Variants in DHX37 observed in about 807,000 individuals in gnomAD.
DHX37 encodes probable ATP-dependent RNA helicase DHX37.
A neutral mutation model predicts 134.3 loss-of-function variants in DHX37; 52 were observed. That is an observed-to-expected ratio of 0.39 (90% CI 0.31 to 0.49). The LOEUF (loss-of-function observed/expected upper bound fraction) is 0.49, where lower values mean the gene tolerates loss of function less well. Ranked by LOEUF, DHX37 falls within the 20% of genes least tolerant of loss-of-function variation. DHX37 has a pLI of 0.93. For synonymous variants in DHX37, 634 were observed against 670.7 expected (o/e 0.95, Z 0.85); for missense variants, 1,344 against 1,580.8 (o/e 0.85, Z 2.54).
chr12:124,985,467 T>C (rs978845999), intron 2 of DHX37, among the ~76,000 whole-genome samples: 1 of 151,550 alleles, frequency 6.6e-6, no homozygotes, highest in African/African-American at 2.4e-5. Context: ...CTGGGCATGG[T>C]GGTTCACGCC....
At chr12:124,981,610 T>C (rs1353566449) in intron 3 of DHX37, among the ~76,000 whole-genome samples, 1 of 152,012 alleles carries the variant, frequency 6.6e-6, no homozygotes, top group Non-Finnish European at 1.5e-5. Flanking sequence ...AATTTTTGTA[T>C]TTTTAGTGGA....
At chr12:124,970,803 G>A (rs1028206008) in intron 8 of DHX37, among the ~76,000 whole-genome samples, 1 of 152,222 alleles carries the variant, frequency 6.6e-6, no homozygotes, top group African/African-American at 2.4e-5. Context: ...CCGGGAGGGT[G>A]AGACAGGCCT....
chr12:124,950,364 C>A, intron 23 of DHX37, 49 bp downstream of exon 23: 1 of 1,592,920 alleles, frequency 6.3e-7, no homozygotes. Context: ...GTCCGAGAAG[C>A]CCACGGCTGC....
chr12:124,979,974 G>A (rs777053470), intron 4 of DHX37, among the ~76,000 whole-genome samples: 3 of 152,218 alleles, frequency 2.0e-5, no homozygotes, highest in Admixed American at 6.5e-5. Flanking sequence ...GAGTTCCTAC[G>A]TGGGCTGTGG....
At chr12:124,988,170 C>A (rs4765197) in intron 1 of DHX37, among the ~76,000 whole-genome samples, 1,732 of 151,850 alleles carry the variant, frequency 0.011, 98 homozygotes, top group Admixed American at 0.088. Context: ...GCTCTAAATG[C>A]TCCCATGGCT....
intron 13 of DHX37, 39 bp downstream of exon 13, chr12:124,965,629 G>C (rs1412618222): frequency 3.2e-6 from 5 of 1,566,576 alleles, no homozygotes; most frequent in Non-Finnish European, 3.5e-6. Flanking sequence ...TCAGGGCAGA[G>C]ATAATGAACA....
chr12:124,980,407 C>T lies in DHX37; in HGVS notation c.738+83G>A. The T allele has an allele frequency of 6.9e-7, 1 of 1,452,400 alleles. No individual in the cohort carries two copies. Among genetic ancestry groups the T allele is most frequent in the Non-Finnish European group, 9.3e-7 (1 of 1,075,796 alleles). 90.0% of individuals were successfully genotyped at this position (1,452,400 alleles called of 1,614,324 possible). A position where few individuals can be genotyped will look rare whatever the true frequency, so the allele number is the denominator to read the frequency against. On this transcript the variant is annotated intron_variant, in intron 4 of 26. Transcript: ENST00000308736. The surrounding 1 kb of genome is among the most constrained non-coding windows in gnomAD (Gnocchi z 5.3). ...CATGGAGGCACAGAGAAGGGATGCCCTTGCCCCACTTCACCAGGACGCCCT... is the reference window on the plus strand; with the variant it reads ...CATGGAGGCACAGAGAAGGGATGCCTTTGCCCCACTTCACCAGGACGCCCT...
In DHX37 at chr12:124,988,974, C is replaced by T; in HGVS notation, c.49G>A (p.Gly17Ser). The T allele has an allele frequency of 1.5e-6, 2 of 1,356,144 alleles. No individual in the cohort carries two copies. The highest frequency in any genetic ancestry group is 4.4e-5 in the South Asian group (2 of 45,142). The allele number at this position is 1,356,144 out of a possible 1,614,324, so 84.0% of individuals were successfully genotyped here. Residue 17 changes from glycine to serine, a missense_variant, in exon 1 of 27, where the codon GGC becomes AGC. Physicochemically the swap from Gly to Ser is moderately conservative, Grantham distance 56. Around this residue, in one of 7 missense-constraint regions of DHX37, gnomAD observed 319 missense variants for 296.1 expected, o/e 1.08. Coordinates refer to ENST00000308736, the MANE Select transcript of DHX37 (RefSeq NM_032656.4). ...GGGGGGCCCTTCGAGGGTCCGGGGC[C>T]CGCCTGCTGGCGCCCCTTGATGTTG... ...RYNIKGRQQA[G>S]PGPSKGPPEP...
chr12:124,955,550 G>A (rs959224894), intron 18 of DHX37, among the ~76,000 whole-genome samples: 1 of 152,208 alleles, frequency 6.6e-6, no homozygotes, highest in African/African-American at 2.4e-5. Flanking sequence ...CCTCTCAAGT[G>A]ATCTGCCTGC....
chr12:124,947,999 G>A, intron 26 of DHX37, 85 bp downstream of exon 26: 1 of 1,613,656 alleles, frequency 6.2e-7, no homozygotes, highest in South Asian at 1.1e-5. Context: ...TGCCAAGCCA[G>A]GGCTGACCGT....
intron 9 of DHX37, 49 bp from the exon 10 acceptor site, chr12:124,968,697 G>C (rs377431511): frequency 1.2e-6 from 2 of 1,612,484 alleles, no homozygotes; most frequent in Non-Finnish European, 8.5e-7. Context: ...CACGAGCTTC[G>C]GCCCAGGGCT....
In DHX37 at chr12:124,968,984, C is replaced by T; in HGVS notation, c.1192-16G>A. 6.2e-7 allele frequency: 1 copy of T among 1,611,382 alleles called. No homozygotes were observed. The highest frequency in any genetic ancestry group is 8.5e-7 in the Non-Finnish European group (1 of 1,178,998). On this transcript the variant is annotated splice_polypyrimidine_tract_variant and intron_variant, in intron 8 of 26. Coordinates refer to ENST00000308736, the MANE Select transcript of DHX37 (RefSeq NM_032656.4). ...GCAGGTTCCTCTGCAAAAGGACAGG[C>T]TCAGTGACCGTGGCCCCAGGACCGC...
Position 124,964,497 on chromosome 12 carries a change from G to A in DHX37, c.1942C>T (p.Arg648Cys), listed in dbSNP as rs201143572. The change falls in exon 15 of 27, where the codon CGC becomes TGC. Residue 648 changes from arginine (R) to cysteine (C), a missense_variant. Arg to Cys is a radical substitution (Grantham distance 180). This residue lies in a region of DHX37 where 39 missense variants were observed against 87.9 expected (regional missense o/e 0.44). Transcript: ENST00000308736. ...CGKVKKRYYD[R>C]VTGVSSFRVT... ...CGGAAGGAGGATACGCCAGTGACGC[G>A]GTCGTAGTAGCGTTTCTTGACCTTC... 21 of 1,614,202 alleles carry A rather than the reference G, an allele frequency of 1.3e-5. No homozygotes were observed. Among genetic ancestry groups the A allele is most frequent in the East Asian group, 4.5e-5 (2 of 44,884 alleles).
intron 18 of DHX37, among the ~76,000 whole-genome samples, chr12:124,955,607 G>T (rs759616389): frequency 4.5e-4 from 68 of 152,172 alleles, no homozygotes; most frequent in Admixed American, 2.0e-3. Context: ...CACCATGCCC[G>T]GCTAAAGCTG....
chr12:124,983,647 T>G (rs140303307), intron 2 of DHX37, among the ~76,000 whole-genome samples: 3 of 151,920 alleles, frequency 2.0e-5, no homozygotes, highest in African/African-American at 7.2e-5. Flanking sequence ...TAGCCGGGCA[T>G]GGTGGCGCAT....
chr12:124,980,456 C>T lies in DHX37; in HGVS notation c.738+34G>A. On this transcript the variant is annotated intron_variant, in intron 4 of 26. Coordinates refer to ENST00000308736, the MANE Select transcript of DHX37 (RefSeq NM_032656.4). This position sits in a 1 kb window ranked among gnomAD's most constrained non-coding sequence, Gnocchi z 5.3. ...CTCTGTGCGCCCCTTGCCCGCTAAC[C>T]TAGATTCTTAATCACAAACACGGGG... The T allele has an allele frequency of 6.3e-7, 1 of 1,599,784 alleles. No individual in the cohort carries two copies. Among genetic ancestry groups the T allele is most frequent in the Non-Finnish European group, 8.5e-7 (1 of 1,176,158 alleles).
At chr12:124,954,599 C>T (rs1248648809) in intron 18 of DHX37, among the ~76,000 whole-genome samples, 3 of 152,046 alleles carry the variant, frequency 2.0e-5, no homozygotes, top group African/African-American at 7.2e-5. Context: ...AGAGTTTCAC[C>T]GTGTTAGCCA....
At chr12:124,974,130 T>A (rs1954580183) in intron 6 of DHX37, among the ~76,000 whole-genome samples, 1 of 151,176 alleles carries the variant, frequency 6.6e-6, no homozygotes, top group Non-Finnish European at 1.5e-5. Flanking sequence ...ATTTTTTGTA[T>A]TTTTTTCAAG....
Position 124,961,334 on chromosome 12 carries a change from G to GCA in DHX37, c.2046-913_2046-912dup, listed in dbSNP as rs72419893. ...CACACACTTACATACACACGTGCAC[G>GCA]CACACACACACACAATTACAGCACA... On this transcript the variant is annotated intron_variant, in intron 15 of 26. Coordinates refer to ENST00000308736, the MANE Select transcript of DHX37 (RefSeq NM_032656.4). 1.7e-3 allele frequency among the ~76,000 whole-genome samples: 254 copies of GCA among 150,978 alleles called. 1 individual carries two copies. Among genetic ancestry groups the GCA allele is most frequent in the Non-Finnish European group, 3.1e-3 (208 of 67,874 alleles).
Sources: allele counts gnomAD v4.1 joint callset (sites outside exome capture counted in the v4.1 genomes callset), GRCh38; gene constraint gnomAD v4.1.1; regional missense constraint gnomAD v4.1.1; non-coding constraint Gnocchi (gnomAD v3.1); transcripts MANE v1.5; gene names NCBI Gene and HGNC (gene_info 2026-07-23, HGNC 2026-07-21).